The following TESPA1 variants were observed in gnomAD, a reference collection of about 807,000 sequenced individuals.
The protein encoded by TESPA1 is thymocyte expressed, positive selection associated 1.
Under a neutral mutation model 57.9 loss-of-function variants are expected in TESPA1, and 33 were observed. The ratio of observed to expected loss-of-function variants is 0.57; its 90% CI spans 0.43 to 0.76. TESPA1 has a LOEUF of 0.76. TESPA1 is among the 30% of genes least tolerant of loss of function. The probability of loss-of-function intolerance (pLI) is 0.00; values close to 1 mark genes in which losing one functional copy is unlikely to be tolerated. For synonymous variants in TESPA1, 227 were observed against 228.9 expected (o/e 0.99, Z 0.07); for missense variants, 618 against 632.9 (o/e 0.98, Z 0.25).
At chr12:54,967,727 A>T in intron 4 of TESPA1, 116 bp downstream of exon 4, 1 of 1,234,342 alleles carries the variant, frequency 8.1e-7, no homozygotes, top group East Asian at 2.5e-5. Flanking sequence ...AAGAACACTC[A>T]GGGACTCTTT....
Position 54,973,545 on chromosome 12 carries a change from T to C in TESPA1, c.164-26A>G, listed in dbSNP as rs371233188. ...CTAGAAAAGTCAGACACTAGATCAC[T>C]GTGAGAACTGAACGAAATCAGACCT... On this transcript the variant is annotated intron_variant, in intron 2 of 10. Coordinates refer to ENST00000449076, the MANE Select transcript of TESPA1 (RefSeq NM_001136030.3). 5 of 1,613,900 alleles carry C rather than the reference T, an allele frequency of 3.1e-6. No homozygotes were observed. The African/African-American group carries it at 6.7e-5, about 22-fold the overall frequency.
intron 2 of TESPA1, 189 bp from the exon 3 acceptor site, chr12:54,973,708 T>A (rs1180106893): frequency 1.5e-6 from 2 of 1,352,126 alleles, no homozygotes; most frequent in Non-Finnish European, 1.9e-6. Context: ...TTCTTCTCTC[T>A]CTCTGCTTCT....
chr12:54,961,382 C>A (rs1451027618), intron 9 of TESPA1, 115 bp from the exon 10 acceptor site: 7 of 1,121,082 alleles, frequency 6.2e-6, no homozygotes, highest in Non-Finnish European at 9.1e-6. Flanking sequence ...GAGAGACAGC[C>A]TCTTCTGTGG....
intron 9 of TESPA1, among the ~76,000 whole-genome samples, chr12:54,961,486 C>T (rs1308328375): frequency 1.3e-5 from 2 of 152,162 alleles, no homozygotes; most frequent in African/African-American, 2.4e-5. Flanking sequence ...TTCAAATAAT[C>T]ACGGCTTCTT....
chr12:54,974,931 AT>A (rs1451082712), intron 1 of TESPA1, among the ~76,000 whole-genome samples: 2 of 152,174 alleles, frequency 1.3e-5, no homozygotes, highest in Non-Finnish European at 2.9e-5. Flanking sequence ...ATTAGAAAAC[AT>A]TTTTTCTTTA....
At chr12:54,968,817 A>G (rs1200138921) in intron 3 of TESPA1, among the ~76,000 whole-genome samples, 1 of 152,016 alleles carries the variant, frequency 6.6e-6, no homozygotes, top group Non-Finnish European at 1.5e-5. Flanking sequence ...AACGTGAGTT[A>G]GCAGAGAAAC....
chr12:54,975,998 T>C (rs1489155936), intron 1 of TESPA1, among the ~76,000 whole-genome samples: 1 of 152,234 alleles, frequency 6.6e-6, no homozygotes, highest in Non-Finnish European at 1.5e-5. Flanking sequence ...TAGTTAGCAC[T>C]ATGAGACTTT....
At chr12:54,960,233 T>C (rs1480677656) in intron 10 of TESPA1, among the ~76,000 whole-genome samples, 1 of 152,202 alleles carries the variant, frequency 6.6e-6, no homozygotes, top group Non-Finnish European at 1.5e-5. Context: ...AGCAGATAGG[T>C]GGTTAAAACT....
chr12:54,951,017 A>G (rs1490964970), intron 10 of TESPA1, among the ~76,000 whole-genome samples: 1 of 152,056 alleles, frequency 6.6e-6, no homozygotes, highest in East Asian at 1.9e-4. Context: ...ACCCTCCAAA[A>G]GTGCCTTGAA....
In TESPA1 at chr12:54,953,522, C is replaced by CTTTTTTTTTTTT. The variant is rs1178610425; in HGVS notation, c.*2-3144_*2-3133dup. 1.3e-3 allele frequency among the ~76,000 whole-genome samples: 173 copies of CTTTTTTTTTTTT among 135,306 alleles called. 5 individuals carry two copies. Among genetic ancestry groups the CTTTTTTTTTTTT allele is most frequent in the East Asian group, 0.012 (42 of 3,454 alleles). The allele number at this position is 135,306 out of a possible 152,430, so 88.8% of individuals were successfully genotyped here. On this transcript the variant is annotated intron_variant, in intron 10 of 10. Transcript: ENST00000449076. Reference sequence around the variant, plus strand: ...CCTTCTCTACATCTTTTTTTATTTACTTTTTTTTTTTTTGAGACGGAGTCT... The same window carrying CTTTTTTTTTTTT: ...CCTTCTCTACATCTTTTTTTATTTACTTTTTTTTTTTTTTTTTTTTTTTTTGAGACGGAGTCT...
chr12:54,966,696 A>T (rs1210100800), intron 5 of TESPA1, among the ~76,000 whole-genome samples: 1 of 150,228 alleles, frequency 6.7e-6, no homozygotes, highest in African/African-American at 2.5e-5. Flanking sequence ...CTGTCCTAAA[A>T]AGGATAGAGT....
At chr12:54,969,019 A>ATGTGTGTGTGTG (rs147959428) in intron 3 of TESPA1, among the ~76,000 whole-genome samples, 7 of 127,820 alleles carry the variant, frequency 5.5e-5, no homozygotes, top group African/African-American at 9.2e-5. Flanking sequence ...ATATTTATAT[A>ATGTGTGTGTGTG]TGTATATATA....
rs558342468 is a variant in TESPA1, at chr12:54,968,072, T to A, written c.207-180A>T. On this transcript the variant is annotated intron_variant, in intron 3 of 10. Coordinates refer to ENST00000449076, the MANE Select transcript of TESPA1 (RefSeq NM_001136030.3). ...TACTTGTCTGAAAAATTCATAGAAGTAGTTGGGGAAACTGGGGCTGGAATG... is the reference window on the plus strand; with the variant it reads ...TACTTGTCTGAAAAATTCATAGAAGAAGTTGGGGAAACTGGGGCTGGAATG... 44 of 1,477,742 alleles carry A rather than the reference T, an allele frequency of 3.0e-5. No individual in the cohort carries two copies. In the African/African-American group the frequency reaches 5.6e-4, roughly 19 times the overall value. The allele number at this position is 1,477,742 out of a possible 1,614,324, so 91.5% of individuals were successfully genotyped here.
chr12:54,955,366 G>C (rs72648126), intron 10 of TESPA1, among the ~76,000 whole-genome samples: 31,091 of 152,030 alleles, frequency 0.2, 5,381 homozygotes, highest in East Asian at 0.84. Context: ...AAGGAGGGTA[G>C]CACCTGTCTC....
At chr12:54,951,134 T>C (rs1277383843) in intron 10 of TESPA1, among the ~76,000 whole-genome samples, 1 of 152,222 alleles carries the variant, frequency 6.6e-6, no homozygotes, top group Non-Finnish European at 1.5e-5. Context: ...TCCTGAATGT[T>C]GGAGGTGGGG....
chr12:54,954,577 T>C (rs552180535), intron 10 of TESPA1, among the ~76,000 whole-genome samples: 8 of 152,312 alleles, frequency 5.3e-5, no homozygotes, highest in Non-Finnish European at 8.8e-5. Context: ...AATGTAAGAA[T>C]TGCTTTTGAG....
intron 1 of TESPA1, among the ~76,000 whole-genome samples, chr12:54,982,682 C>T (rs1407149486): frequency 6.6e-6 from 1 of 152,160 alleles, no homozygotes; most frequent in African/African-American, 2.4e-5. Context: ...TTTATCTGAG[C>T]TGATTTATAG....
chr12:54,951,353 C>T (rs988722722), intron 10 of TESPA1, among the ~76,000 whole-genome samples: 1 of 152,208 alleles, frequency 6.6e-6, no homozygotes. Context: ...GCCATGCCTC[C>T]TGCACAGCCT....
Position 54,963,907 on chromosome 12 carries a change from C to T in TESPA1, c.490G>A (p.Val164Ile), listed in dbSNP as rs775943267. ...TGGCCAAAGCCCAGACTGAAGAGGACATCTTCTGCATCTTCTTGCACTTTG... is the reference window on the plus strand; with the variant it reads ...TGGCCAAAGCCCAGACTGAAGAGGATATCTTCTGCATCTTCTTGCACTTTG... ...LDKVQEDAED[V>I]LFSLGFGQED... is the part of the protein sequence containing the mutation. The change falls in exon 8 of 11, where the codon GTC becomes ATC. Residue 164 changes from valine to isoleucine, a missense_variant. By Grantham distance (29) the Val-to-Ile change is conservative (BLOSUM62 3). Around this residue, in one of 3 missense-constraint regions of TESPA1, gnomAD observed 10 missense variants for 28.8 expected, o/e 0.35. Transcript: ENST00000449076. 1 of 1,614,008 alleles carries T rather than the reference C, an allele frequency of 6.2e-7. No homozygotes were observed. The highest frequency in any genetic ancestry group is 8.5e-7 in the Non-Finnish European group (1 of 1,179,876).
Sources: gnomAD v4.1 joint callset for allele counts (sites outside exome capture counted in the v4.1 genomes callset) on GRCh38, gnomAD v4.1.1 for gene constraint, gnomAD v4.1.1 regional missense constraint, MANE v1.5 for transcripts, NCBI Gene and HGNC (gene_info 2026-07-23, HGNC 2026-07-21) for gene names.